SP1: variants seen among roughly 807,000 people sequenced by gnomAD.
The protein encoded by SP1 is transcription factor Sp1.
SP1 carries 6 observed loss-of-function variants against 66.3 expected under a neutral mutation model. That is an observed-to-expected ratio of 0.09 (90% CI 0.05 to 0.18). The LOEUF is 0.18. SP1 is among the 10% of genes least tolerant of loss of function. SP1 has a pLI of 1.00. For missense variants in SP1, 848 were observed against 964.5 expected (o/e 0.88, Z 1.60); for synonymous variants, 417 against 360.8 (o/e 1.16, Z -1.77).
intron 4 of SP1, among the ~76,000 whole-genome samples, chr12:53,408,734 G>A (rs949146978): frequency 5.3e-5 from 8 of 150,826 alleles, no homozygotes; most frequent in Non-Finnish European, 8.9e-5. Context: ...GTGAAACCCC[G>A]TCTCTACTAA....
At chr12:53,384,980 GAA>G (rs112581379) in intron 3 of SP1, among the ~76,000 whole-genome samples, 41 of 140,322 alleles carry the variant, frequency 2.9e-4, no homozygotes, top group African/African-American at 7.5e-4. Context: ...GTGAGACTCT[GAA>G]AAAAAAAAAA....
intron 5 of SP1, among the ~76,000 whole-genome samples, chr12:53,409,855 A>G: frequency 6.6e-6 from 1 of 151,862 alleles, no homozygotes; most frequent in East Asian, 1.9e-4. Flanking sequence ...TAAATATACA[A>G]AAAAATTAGC....
chr12:53,389,603 G>T (rs960560766), intron 3 of SP1, among the ~76,000 whole-genome samples: 4 of 151,816 alleles, frequency 2.6e-5, no homozygotes, highest in Admixed American at 2.6e-4. Context: ...GATTACAGGC[G>T]TGATGTTTCT....
At chr12:53,400,334 ATG>A (rs1185715336) in intron 3 of SP1, among the ~76,000 whole-genome samples, 1 of 152,124 alleles carries the variant, frequency 6.6e-6, no homozygotes, top group Non-Finnish European at 1.5e-5. Context: ...ATGTTGTAGC[ATG>A]TGTTAGTACT....
At chr12:53,408,971 A>G (rs191862306) in intron 4 of SP1, among the ~76,000 whole-genome samples, 302 of 152,202 alleles carry the variant, frequency 2.0e-3, no homozygotes, top group Admixed American at 3.9e-3. Flanking sequence ...CTGTAATCCC[A>G]GTACTTTGGG....
At chr12:53,404,904 C>T (rs972518353) in intron 3 of SP1, among the ~76,000 whole-genome samples, 1 of 152,072 alleles carries the variant, frequency 6.6e-6, no homozygotes, top group East Asian at 1.9e-4. Flanking sequence ...GGCACAGTCT[C>T]GGCTCACTGC....
Position 53,380,314 on chromosome 12 carries a change from C to T in SP1, c.7+16C>T, listed in dbSNP as rs1938052246. ...ACCATGAGCGGTAAGGATGAGTCCACTCCAAGCTTAGGGGTGGGAGGCGAG... is the reference window on the plus strand; with the variant it reads ...ACCATGAGCGGTAAGGATGAGTCCATTCCAAGCTTAGGGGTGGGAGGCGAG... On this transcript the variant is annotated intron_variant, in intron 1 of 5. Transcript: ENST00000327443. The T allele has an allele frequency of 6.3e-7, 1 of 1,582,988 alleles. No individual in the cohort carries two copies. The highest frequency in any genetic ancestry group is 1.1e-5 in the South Asian group (1 of 88,846).
intron 3 of SP1, among the ~76,000 whole-genome samples, chr12:53,388,687 T>A (rs1938281205): frequency 1.3e-5 from 2 of 152,066 alleles, no homozygotes; most frequent in African/African-American, 4.8e-5. Context: ...CTGGCAAAAG[T>A]ATCTTGTTTT....
Position 53,382,105 on chromosome 12 carries a change from G to T in SP1, c.163-5G>T. The stretch of plus-strand genomic sequence containing the variant: ...ACTCCTTTCCTCTCCCTTATTTTCG[G>T]CCAGGAGTCCCAGCCATCCCCTTTG... On this transcript the variant is annotated splice_region_variant and splice_polypyrimidine_tract_variant and intron_variant, in intron 2 of 5. Transcript: ENST00000327443. The T allele has an allele frequency of 1.9e-6, 3 of 1,612,832 alleles. No individual in the cohort carries two copies. Among genetic ancestry groups the T allele is most frequent in the Non-Finnish European group, 2.5e-6 (3 of 1,179,376 alleles).
intron 1 of SP1, chr12:53,381,366 ACT>A (rs1271262828): frequency 2.2e-5 from 5 of 231,476 alleles, no homozygotes; most frequent in African/African-American, 9.2e-5. Flanking sequence ...TTATTTAGAA[ACT>A]CTCACCATGC....
chr12:53,386,040 A>G (rs1938222679), intron 3 of SP1, among the ~76,000 whole-genome samples: 1 of 152,224 alleles, frequency 6.6e-6, no homozygotes, highest in African/African-American at 2.4e-5. Flanking sequence ...CTTTTCAACG[A>G]AGTAAGTTCC....
At position 53,382,230 on chromosome 12, in the gene SP1, C is replaced by T. The variant is rs776695596; in HGVS notation, c.283C>T (p.Leu95Phe). The T allele has an allele frequency of 1.2e-6, 2 of 1,614,200 alleles. No homozygotes were observed. The highest frequency in any genetic ancestry group is 2.2e-5 in the South Asian group (2 of 91,082). ...GTCAGGGGGAACAGGTGAGCTTGACCTCACAGCCACACAACTTTCACAGGG... is the reference window on the plus strand; with the variant it reads ...GTCAGGGGGAACAGGTGAGCTTGACTTCACAGCCACACAACTTTCACAGGG... Reference protein sequence around the residue: ...SQSGGTGELDLTATQLSQGAN... With the variant: ...SQSGGTGELDFTATQLSQGAN... Residue 95 changes from leucine (L) to phenylalanine (F), a missense_variant, in exon 3 of 6, where the codon CTC becomes TTC. By Grantham distance (22) the Leu-to-Phe change is conservative. This residue lies in a region of SP1 where 606 missense variants were observed against 589.9 expected (regional missense o/e 1.03). Coordinates refer to ENST00000327443, the MANE Select transcript of SP1 (RefSeq NM_138473.3).
intron 3 of SP1, among the ~76,000 whole-genome samples, chr12:53,390,901 A>C (rs1480112664): frequency 6.6e-6 from 1 of 152,140 alleles, no homozygotes; most frequent in East Asian, 1.9e-4. Context: ...TATCTGTTCT[A>C]TCTCCCTTTC....
chr12:53,400,810 G>C (rs928027327), intron 3 of SP1, among the ~76,000 whole-genome samples: 2 of 139,560 alleles, frequency 1.4e-5, no homozygotes, highest in Non-Finnish European at 3.0e-5. Flanking sequence ...CGCCCAGGCT[G>C]CAGTGAAGTG....
At position 53,415,793 on chromosome 12, in the gene SP1, C is replaced by G. The variant is rs1938984445; in HGVS notation, c.*4553C>G. ...TCCCCAGGGATATGGGCTCTGTCTA[C>G]CCAGTGCTCCAGTTTCCCGGTAACT... On this transcript the variant is annotated 3_prime_UTR_variant, in exon 6 of 6. Transcript: ENST00000327443. The G allele has an allele frequency of 6.6e-6, 1 of 152,604 alleles. No homozygotes were observed. Among genetic ancestry groups the G allele is most frequent in the Non-Finnish European group, 1.5e-5 (1 of 68,058 alleles). The allele number at this position is 152,604 out of a possible 1,614,324, so 9.5% of individuals were successfully genotyped here.
At chr12:53,404,557 AAG>A (rs1287423192) in intron 3 of SP1, among the ~76,000 whole-genome samples, 3 of 152,042 alleles carry the variant, frequency 2.0e-5, no homozygotes, top group African/African-American at 4.8e-5. Context: ...AAAAAAAAAA[AAG>A]AATATTATCT....
At position 53,406,681 on chromosome 12, in the gene SP1, C is replaced by T. The variant is rs1387241275; in HGVS notation, c.1772C>T (p.Ala591Val). The T allele has an allele frequency of 6.2e-7, 1 of 1,613,960 alleles. No individual in the cohort carries two copies. Among genetic ancestry groups the T allele is most frequent in the Non-Finnish European group, 8.5e-7 (1 of 1,180,008 alleles). ...GAGGAAGGAGAAAACAGCCCAGATG[C>T]CCAACCCCAAGCCGGTCGGAGGACC... is the stretch of plus-strand genomic sequence containing the variant. ...GGEEGENSPDAQPQAGRRTRR... is the reference protein window; with the variant it reads ...GGEEGENSPDVQPQAGRRTRR... The change falls in exon 4 of 6, where the codon GCC (alanine) becomes GTC (valine). Residue 591 changes from alanine to valine, a missense_variant. Coordinates refer to ENST00000327443, the MANE Select transcript of SP1 (RefSeq NM_138473.3).
rs1406363643 is a variant in SP1 at position 53,412,521 on chromosome 12, C to CG, written c.*1281_*1282insG. On this transcript the variant is annotated 3_prime_UTR_variant, in exon 6 of 6. Coordinates refer to ENST00000327443, the MANE Select transcript of SP1 (RefSeq NM_138473.3). ...CAATAAGGAGCATCAGCCAGTGAAT[C>CG]TGTTTCAGGTTTCCATTCTGCAGAA... The CG allele has an allele frequency of 6.5e-6, 1 of 152,750 alleles. No homozygotes were observed. The highest frequency in any genetic ancestry group is 1.9e-4 in the East Asian group (1 of 5,192). The allele number at this position is 152,750 out of a possible 1,614,324, so 9.5% of individuals were successfully genotyped here.
intron 3 of SP1, 53 bp downstream of exon 3, chr12:53,383,675 T>G: frequency 6.9e-7 from 1 of 1,445,666 alleles, no homozygotes; most frequent in Non-Finnish European, 9.4e-7. Flanking sequence ...GCATCGTAGC[T>G]GAAACTTGAG....
Sources: allele counts gnomAD v4.1 joint callset (sites outside exome capture counted in the v4.1 genomes callset), GRCh38; gene constraint gnomAD v4.1.1; regional missense constraint gnomAD v4.1.1; transcripts MANE v1.5; gene names NCBI Gene and HGNC (gene_info 2026-07-23, HGNC 2026-07-21).